The following CLVS1 variants were observed in gnomAD, a reference collection of about 807,000 sequenced individuals.
CLVS1 encodes clavesin 1.
A neutral mutation model predicts 33.1 loss-of-function variants in CLVS1; 10 were observed. The ratio of observed to expected loss-of-function variants is 0.30; its 90% CI spans 0.19 to 0.51. The LOEUF (loss-of-function observed/expected upper bound fraction) is 0.51. CLVS1 is among the 20% of genes least tolerant of loss of function. The pLI, the probability that CLVS1 is intolerant of heterozygous loss-of-function variation, is 0.97. For missense variants in CLVS1, 343 were observed against 433.4 expected (o/e 0.79, Z 1.85); for synonymous variants, 163 against 166.1 (o/e 0.98, Z 0.14).
intron 1 of CLVS1, among the ~76,000 whole-genome samples, chr8:61,080,765 C>T (rs66837512): frequency 0.11 from 16,999 of 152,054 alleles, 1,281 homozygotes; most frequent in East Asian, 0.37. Context: ...AAGATAGATG[C>T]CCAAAAGACA....
intron 3 of CLVS1, among the ~76,000 whole-genome samples, chr8:61,414,424 T>A (rs1815351476): frequency 6.6e-6 from 1 of 152,060 alleles, no homozygotes; most frequent in African/African-American, 2.4e-5. Context: ...TTTTTCATAT[T>A]TTTCCATTCT....
At chr8:61,285,442 T>A (rs181562255), upstream of CLVS1, among the ~76,000 whole-genome samples, 4 of 152,340 alleles carry the variant, frequency 2.6e-5, no homozygotes, top group East Asian at 7.7e-4. Context: ...CACACTCTGC[T>A]TGACCTCCAT....
chr8:61,220,609 T>C (rs773007072), intron 2 of CLVS1, among the ~76,000 whole-genome samples: 6 of 152,110 alleles, frequency 3.9e-5, no homozygotes, highest in Non-Finnish European at 7.3e-5. Context: ...TTCAGCTTGG[T>C]TCTTTTTGCT....
At chr8:61,168,837 C>G (rs1203218511) in intron 2 of CLVS1, among the ~76,000 whole-genome samples, 1 of 152,174 alleles carries the variant, frequency 6.6e-6, no homozygotes, top group East Asian at 1.9e-4. Flanking sequence ...TACTGCATAC[C>G]CTGCTCCAAC....
intron 2 of CLVS1, among the ~76,000 whole-genome samples, chr8:61,337,072 C>T (rs568090772): frequency 6.6e-6 from 1 of 152,266 alleles, no homozygotes; most frequent in East Asian, 1.9e-4. Flanking sequence ...ACTACGGTAA[C>T]TGACAAAGAT....
At chr8:61,442,695 A>G (rs951913340) in intron 3 of CLVS1, among the ~76,000 whole-genome samples, 1 of 151,940 alleles carries the variant, frequency 6.6e-6, no homozygotes, top group African/African-American at 2.4e-5. Context: ...CACCTCCCGG[A>G]TTCAAGTGAT....
At chr8:61,454,107 C>T (rs767169121) in intron 3 of CLVS1, 34 bp from the exon 4 acceptor site, 1 of 1,440,684 alleles carries the variant, frequency 6.9e-7, no homozygotes, top group South Asian at 1.1e-5. Context: ...GGTGTGCTTA[C>T]TAATCGGTGT....
chr8:61,243,636 A>G (rs1808742862), intron 2 of CLVS1, among the ~76,000 whole-genome samples: 2 of 152,116 alleles, frequency 1.3e-5, no homozygotes, highest in South Asian at 4.1e-4. Flanking sequence ...AAATGTATTC[A>G]TATTGTATTC....
chr8:61,100,563 G>C (rs561105641), intron 1 of CLVS1, among the ~76,000 whole-genome samples: 1 of 152,240 alleles, frequency 6.6e-6, no homozygotes, highest in African/African-American at 2.4e-5. Context: ...CAGCTTAATT[G>C]AGATATAATT....
intron 2 of CLVS1, among the ~76,000 whole-genome samples, chr8:61,360,262 C>T (rs774429515): frequency 2.0e-4 from 30 of 152,096 alleles, no homozygotes; most frequent in Non-Finnish European, 3.7e-4. Context: ...TTTCTAATCA[C>T]CTTTAAAAAA....
the CLVS1 span, among the ~76,000 whole-genome samples, chr8:60,998,906 C>T: frequency 6.6e-6 from 1 of 151,926 alleles, no homozygotes; most frequent in Non-Finnish European, 1.5e-5. Context: ...TATTTATTTG[C>T]CCCCAGGGAG....
chr8:61,302,853 G>A lies in CLVS1; in HGVS notation c.455+2571G>A, dbSNP rs148161752. The stretch of plus-strand genomic sequence containing the variant: ...TAATCATGGCAGAAGGTGAAGGGGA[G>A]GCAGGCACATCTTCACATAGTGGAG... On this transcript the variant is annotated intron_variant, in intron 2 of 5. Coordinates refer to ENST00000325897, the MANE Select transcript of CLVS1 (RefSeq NM_173519.3). 6.1e-3 allele frequency among the ~76,000 whole-genome samples: 936 copies of A among 152,272 alleles called. 10 individuals are homozygous for A. The highest frequency in any genetic ancestry group is 0.021 in the African/African-American group (859 of 41,550).
intron 3 of CLVS1, among the ~76,000 whole-genome samples, chr8:61,401,024 T>A (rs1814729029): frequency 6.6e-6 from 1 of 152,006 alleles, no homozygotes. Context: ...AGTTTTGGTA[T>A]CTTTTTGATA....
At chr8:61,298,487 T>C (rs947857208) in intron 1 of CLVS1, among the ~76,000 whole-genome samples, 2 of 152,170 alleles carry the variant, frequency 1.3e-5, no homozygotes, top group African/African-American at 2.4e-5. Context: ...AGTAGAAATA[T>C]GTGAGATGAT....
chr8:61,063,300 A>AAC (rs1804618528), intron 1 of CLVS1, among the ~76,000 whole-genome samples: 1 of 142,036 alleles, frequency 7.0e-6, no homozygotes, highest in Non-Finnish European at 1.5e-5. Flanking sequence ...AGAGATAGAG[A>AAC]GAGAGAGAGA....
intron 2 of CLVS1, among the ~76,000 whole-genome samples, chr8:61,227,684 G>A (rs547151926): frequency 6.6e-6 from 1 of 152,110 alleles, no homozygotes; most frequent in Admixed American, 6.6e-5. Context: ...GGCTCATCTC[G>A]CTCTCTGTCA....
chr8:61,309,999 G>A (rs1195784820), intron 2 of CLVS1, among the ~76,000 whole-genome samples: 1 of 152,144 alleles, frequency 6.6e-6, no homozygotes, highest in Non-Finnish European at 1.5e-5. Context: ...GCATGAAAGG[G>A]GAAGATTTCT....
At chr8:61,072,398 C>T (rs1284636929) in intron 1 of CLVS1, among the ~76,000 whole-genome samples, 1 of 152,178 alleles carries the variant, frequency 6.6e-6, no homozygotes, top group Non-Finnish European at 1.5e-5. Flanking sequence ...AAGACCCCCT[C>T]TTATTTCTCT....
intron 2 of CLVS1, among the ~76,000 whole-genome samples, chr8:61,355,778 G>A (rs1200739035): frequency 6.6e-6 from 1 of 152,274 alleles, no homozygotes; most frequent in East Asian, 1.9e-4. Flanking sequence ...ATTCCATGGT[G>A]TATATGTGCC....
Sources: allele counts gnomAD v4.1 joint callset (sites outside exome capture counted in the v4.1 genomes callset), GRCh38; gene constraint gnomAD v4.1.1; transcripts MANE v1.5; gene names NCBI Gene and HGNC (gene_info 2026-07-23, HGNC 2026-07-21).